The following FOXP2 variants were observed in gnomAD, a reference collection of about 807,000 sequenced individuals.
FOXP2 encodes forkhead box P2.
Under a neutral mutation model 115.8 loss-of-function variants are expected in FOXP2, and 12 were observed. That is an observed-to-expected ratio of 0.10 (90% CI 0.07 to 0.17). The LOEUF (loss-of-function observed/expected upper bound fraction) is 0.17, where lower values mean the gene tolerates loss of function less well. Ranked by LOEUF, FOXP2 falls within the 10% of genes least tolerant of loss-of-function variation. The pLI is 1.00. For missense variants in FOXP2, 629 were observed against 843.5 expected, an observed-to-expected ratio of 0.75 and a Z score of 3.15; for synonymous variants, 328 against 297.7, an observed-to-expected ratio of 1.10 and a Z score of -1.05.
chr7:114,642,812 A>ATT lies in FOXP2; in HGVS notation c.989+203_989+204dup, dbSNP rs869136743. The stretch of plus-strand genomic sequence containing the variant: ...TATATATATATATATATATATATAT[A>ATT]TTTTTTTTTTTTTTTAGGCAGAGTC... On this transcript the variant is annotated intron_variant, in intron 7 of 16. Transcript: ENST00000350908. Among the ~76,000 whole-genome samples the ATT allele has an allele frequency of 3.8e-3, 273 of 72,384 alleles. 12 individuals are homozygous for ATT. The highest frequency in any genetic ancestry group is 0.017 in the African/African-American group (242 of 13,976). 47.5% of individuals were successfully genotyped at this position (72,384 alleles called of 152,430 possible). A position where few individuals can be genotyped will look rare whatever the true frequency, so the allele number is the denominator to read the frequency against.
intron 2 of FOXP2, among the ~76,000 whole-genome samples, chr7:114,390,023 C>CA (rs11311566): frequency 0.45 from 42,203 of 93,168 alleles, 10,569 homozygotes; most frequent in East Asian, 0.89. Flanking sequence ...CATTCAGTGT[C>CA]AAAAAAAAAA....
At chr7:114,370,714 T>C (rs1584672525) in intron 2 of FOXP2, among the ~76,000 whole-genome samples, 1 of 152,214 alleles carries the variant, frequency 6.6e-6, no homozygotes, top group African/African-American at 2.4e-5. Flanking sequence ...TTTTTGATAA[T>C]TACAGAAGAT....
At chr7:114,353,126 T>C (rs185917271) in intron 2 of FOXP2, among the ~76,000 whole-genome samples, 6 of 152,232 alleles carry the variant, frequency 3.9e-5, no homozygotes, top group East Asian at 1.9e-4. Flanking sequence ...ACAAAAAAAC[T>C]GCAAACTTTT....
At chr7:114,153,756 T>C (rs1230661665) in intron 1 of FOXP2, among the ~76,000 whole-genome samples, 1 of 146,830 alleles carries the variant, frequency 6.8e-6, no homozygotes, top group African/African-American at 2.4e-5. Flanking sequence ...GATTTGTAGC[T>C]CTTTCTTTTC....
rs186540711 is a variant in FOXP2 at position 114,322,395 on chromosome 7, A to C, written c.-11+34286A>C. 2.7e-3 allele frequency among the ~76,000 whole-genome samples: 412 copies of C among 151,186 alleles called. 3 individuals are homozygous for C. Among genetic ancestry groups the C allele is most frequent in the African/African-American group, 9.6e-3 (397 of 41,338 alleles). The stretch of plus-strand genomic sequence containing the variant: ...GCTGGGTGTGGTGGCTCATGCTTGC[A>C]GTCCCTGCACTTTGGGAGGCCAAGG... On this transcript the variant is annotated intron_variant, in intron 2 of 17. Transcript: ENST00000634411.
chr7:114,301,335 A>T (rs1268590294), intron 2 of FOXP2, among the ~76,000 whole-genome samples: 4 of 152,146 alleles, frequency 2.6e-5, no homozygotes, highest in Non-Finnish European at 5.9e-5. Context: ...GTCTAGTCAC[A>T]AGTTTTTTAG....
At chr7:114,447,284 T>C (rs1240770195) in intron 2 of FOXP2, among the ~76,000 whole-genome samples, 2 of 152,114 alleles carry the variant, frequency 1.3e-5, no homozygotes, top group Non-Finnish European at 2.9e-5. Flanking sequence ...TGGTTTCCCC[T>C]CTATAGCCAG....
At chr7:114,291,814 C>A (rs1796596352) in intron 2 of FOXP2, among the ~76,000 whole-genome samples, 3 of 143,326 alleles carry the variant, frequency 2.1e-5, no homozygotes, top group Non-Finnish European at 3.0e-5. Flanking sequence ...AAAATGGAAT[C>A]TATATATAAT....
chr7:114,682,326 G>C (rs1271177096), intron 16 of FOXP2, among the ~76,000 whole-genome samples: 2 of 152,070 alleles, frequency 1.3e-5, no homozygotes, highest in Non-Finnish European at 2.9e-5. Flanking sequence ...ACCACACTTA[G>C]AAGTTAATCA....
intron 1 of FOXP2, among the ~76,000 whole-genome samples, chr7:114,174,439 A>G (rs1793233858): frequency 6.6e-6 from 1 of 152,042 alleles, no homozygotes; most frequent in African/African-American, 2.4e-5. Flanking sequence ...TTAAAACTGG[A>G]ATATTTATAA....
At chr7:114,187,836 G>A (rs565168185) in intron 1 of FOXP2, among the ~76,000 whole-genome samples, 1 of 152,098 alleles carries the variant, frequency 6.6e-6, no homozygotes, top group Non-Finnish European at 1.5e-5. Flanking sequence ...TTAATATCAG[G>A]GTGCCAACCT....
chr7:114,534,154 C>T lies in FOXP2; in HGVS notation c.169-463C>T, dbSNP rs1799265952. 2.6e-5 allele frequency among the ~76,000 whole-genome samples: 4 copies of T among 151,962 alleles called. No individual in the cohort carries two copies. The South Asian group carries it at 8.3e-4, about 32-fold the overall frequency. On this transcript the variant is annotated intron_variant, in intron 2 of 16. Coordinates refer to ENST00000350908, the MANE Select transcript of FOXP2 (RefSeq NM_014491.4). ...AGTGTTTTTAATCTTTAGTGAAAAT[C>T]CTTATTAATTCACTTTCAAGATAAT...
intron 1 of FOXP2, among the ~76,000 whole-genome samples, chr7:114,276,469 G>A (rs955799045): frequency 6.6e-6 from 1 of 152,020 alleles, no homozygotes; most frequent in African/African-American, 2.4e-5. Context: ...CCGGCCACTG[G>A]CATATTTTTA....
At chr7:114,171,507 A>T (rs1414316094) in intron 1 of FOXP2, among the ~76,000 whole-genome samples, 2 of 152,146 alleles carry the variant, frequency 1.3e-5, no homozygotes, top group East Asian at 1.9e-4. Context: ...TGGGAGGTGG[A>T]GGCTGCAGTT....
chr7:114,187,703 A>G (rs553287128), intron 1 of FOXP2, among the ~76,000 whole-genome samples: 1 of 152,144 alleles, frequency 6.6e-6, no homozygotes, highest in Non-Finnish European at 1.5e-5. Flanking sequence ...TATAGTAACA[A>G]CCCCATTCGT....
chr7:114,343,866 C>T (rs2129184692), intron 2 of FOXP2, among the ~76,000 whole-genome samples: 1 of 151,750 alleles, frequency 6.6e-6, no homozygotes, highest in African/African-American at 2.4e-5. Context: ...TCTAACCATT[C>T]TATTTATCCG....
chr7:114,454,497 G>A (rs1241207825), intron 2 of FOXP2, among the ~76,000 whole-genome samples: 1 of 151,510 alleles, frequency 6.6e-6, no homozygotes, highest in Non-Finnish European at 1.5e-5. Context: ...AATACCATTT[G>A]ACCCAGCCAT....
chr7:114,478,366 TTATGAG>T (rs1207295259), intron 2 of FOXP2, among the ~76,000 whole-genome samples: 1 of 151,788 alleles, frequency 6.6e-6, no homozygotes, highest in Non-Finnish European at 1.5e-5. Flanking sequence ...ATGGCCTAAC[TTATGAG>T]TATAAGAAAC....
intron 8 of FOXP2, among the ~76,000 whole-genome samples, chr7:114,649,584 A>G (rs1191217754): frequency 3.3e-5 from 5 of 152,132 alleles, no homozygotes; most frequent in Non-Finnish European, 7.4e-5. Flanking sequence ...ATAGTCATAA[A>G]TTCATAAATT....
Sources: allele counts gnomAD v4.1 joint callset (sites outside exome capture counted in the v4.1 genomes callset), GRCh38; gene constraint gnomAD v4.1.1; transcripts MANE v1.5; gene names NCBI Gene and HGNC (gene_info 2026-07-23, HGNC 2026-07-21).